The following EEFSEC variants were observed in gnomAD, a reference collection of about 807,000 sequenced individuals.
The protein encoded by EEFSEC is eukaryotic elongation factor, selenocysteine-tRNA specific.
In EEFSEC, 43 loss-of-function variants were observed where a neutral mutation model predicts 42.1. The ratio of observed to expected loss-of-function variants is 1.02; its 90% CI spans 0.80 to 1.32. The LOEUF (loss-of-function observed/expected upper bound fraction) is 1.32, where lower values mean the gene tolerates loss of function less well. Ranked by LOEUF, EEFSEC falls within the 40% of genes most tolerant of loss-of-function variation. EEFSEC has a pLI of 0.00. For synonymous variants in EEFSEC, 354 were observed against 339.1 expected (o/e 1.04, Z -0.48); for missense variants, 745 against 803.6 (o/e 0.93, Z 0.88).
chr3:128,338,691 G>A (rs754463660), intron 4 of EEFSEC, among the ~76,000 whole-genome samples: 5 of 152,228 alleles, frequency 3.3e-5, no homozygotes, highest in Non-Finnish European at 7.3e-5. Flanking sequence ...ATGTGGGGCC[G>A]AAAAGGCTGT....
chr3:128,399,075 A>AAAATAAAT lies in EEFSEC; in HGVS notation c.1601-8970_1601-8963dup, dbSNP rs138470496. Among the ~76,000 whole-genome samples the AAAATAAAT allele has an allele frequency of 8.1e-5, 12 of 147,954 alleles. No homozygotes were observed. The South Asian group carries it at 1.0e-3, about 13-fold the overall frequency. On this transcript the variant is annotated intron_variant, in intron 6 of 6. Transcript: ENST00000254730. Reference sequence around the variant, plus strand: ...AGAATGGATTTGTTTTTTGCCTTAAAAAATAAATAAATAAATAAATAAATA... The same window carrying AAAATAAAT: ...AGAATGGATTTGTTTTTTGCCTTAAAAAATAAATAAATAAATAAATAAATAAATAAATA...
Position 128,341,485 on chromosome 3 carries a change from C to T in EEFSEC, c.1039C>T (p.Arg347Trp), listed in dbSNP as rs199603426. 75 of 1,614,134 alleles carry T rather than the reference C, an allele frequency of 4.6e-5. No homozygotes were observed. The highest frequency in any genetic ancestry group is 6.6e-5 in the South Asian group (6 of 91,074). ...ITVGHETVMGRLMFFSPAPDN... is the reference protein window; with the variant it reads ...ITVGHETVMGWLMFFSPAPDN... ...AGTGGGCCATGAAACAGTCATGGGC[C>T]GGTTGATGTTCTTCAGTCCTGCTCC... The change falls in exon 5 of 7, where the codon CGG (arginine) becomes TGG (tryptophan). Residue 347 changes from arginine (R) to tryptophan (W), a missense_variant. Arg to Trp is a moderately radical substitution (Grantham distance 101). Coordinates refer to ENST00000254730, the MANE Select transcript of EEFSEC (RefSeq NM_021937.5).
chr3:128,199,584 T>C (rs2065621734), intron 1 of EEFSEC, among the ~76,000 whole-genome samples: 1 of 152,228 alleles, frequency 6.6e-6, no homozygotes, highest in Non-Finnish European at 1.5e-5. Flanking sequence ...TCCAGTCTTT[T>C]GCTAGGTGAA....
chr3:128,261,855 G>A (rs2066300093), intron 2 of EEFSEC, among the ~76,000 whole-genome samples: 2 of 152,176 alleles, frequency 1.3e-5, no homozygotes. Context: ...CCTCCTTAGG[G>A]AGTGCTCTGA....
At chr3:128,313,434 A>C (rs576176096) in intron 4 of EEFSEC, among the ~76,000 whole-genome samples, 47 of 152,346 alleles carry the variant, frequency 3.1e-4, no homozygotes, top group East Asian at 7.7e-4. Context: ...TGTTGCATTC[A>C]GTTAGTGACC....
intron 4 of EEFSEC, among the ~76,000 whole-genome samples, chr3:128,278,743 G>A (rs1265526890): frequency 1.3e-5 from 2 of 152,208 alleles, no homozygotes; most frequent in African/African-American, 4.8e-5. Flanking sequence ...AGTTGTGAAA[G>A]GGTCTGAGTG....
At chr3:128,397,213 T>G (rs1474651207) in intron 6 of EEFSEC, among the ~76,000 whole-genome samples, 1 of 152,248 alleles carries the variant, frequency 6.6e-6, no homozygotes, top group East Asian at 1.9e-4. Context: ...AGGAGATGGC[T>G]GCAGCCCCCT....
intron 6 of EEFSEC, among the ~76,000 whole-genome samples, chr3:128,382,020 C>T (rs576141071): frequency 2.0e-5 from 3 of 152,252 alleles, no homozygotes; most frequent in African/African-American, 7.2e-5. Flanking sequence ...GAGATAGGCC[C>T]GAATGTGGTT....
At chr3:128,326,533 T>A (rs547503626) in intron 4 of EEFSEC, among the ~76,000 whole-genome samples, 1 of 152,240 alleles carries the variant, frequency 6.6e-6, no homozygotes, top group African/African-American at 2.4e-5. Flanking sequence ...CTTCCAGGTG[T>A]TGCTGGGGAA....
At chr3:128,198,821 A>C (rs1362441402) in intron 1 of EEFSEC, among the ~76,000 whole-genome samples, 1 of 151,258 alleles carries the variant, frequency 6.6e-6, no homozygotes, top group Non-Finnish European at 1.5e-5. Context: ...TTTTTTTCTT[A>C]AAGACTTTCT....
intron 1 of EEFSEC, among the ~76,000 whole-genome samples, chr3:128,215,984 G>T (rs1010858587): frequency 2.6e-5 from 4 of 152,136 alleles, no homozygotes; most frequent in Non-Finnish European, 5.9e-5. Context: ...ACTGAGAAGG[G>T]GAGAGAGGCG....
chr3:128,332,474 C>T (rs548620253), intron 4 of EEFSEC, among the ~76,000 whole-genome samples: 35 of 152,334 alleles, frequency 2.3e-4, no homozygotes, highest in African/African-American at 6.5e-4. Context: ...ATTTTTGAGA[C>T]GGAGTCTCGC....
intron 1 of EEFSEC, among the ~76,000 whole-genome samples, chr3:128,181,518 G>T (rs1379802831): frequency 6.6e-6 from 1 of 152,198 alleles, no homozygotes; most frequent in African/African-American, 2.4e-5. Context: ...AAAAACAAAA[G>T]AGAAGCGGTG....
intron 1 of EEFSEC, among the ~76,000 whole-genome samples, chr3:128,167,348 T>C (rs538394626): frequency 8.5e-5 from 13 of 152,342 alleles, no homozygotes; most frequent in African/African-American, 3.1e-4. Flanking sequence ...GGACAGGCCT[T>C]GGTACAGAGT....
intron 1 of EEFSEC, among the ~76,000 whole-genome samples, chr3:128,192,113 T>C (rs1576533275): frequency 6.6e-6 from 1 of 152,130 alleles, no homozygotes. Context: ...TGTGATGGAG[T>C]AGAAATGATG....
intron 4 of EEFSEC, among the ~76,000 whole-genome samples, chr3:128,285,886 A>T (rs1333906807): frequency 6.6e-6 from 1 of 152,202 alleles, no homozygotes; most frequent in Non-Finnish European, 1.5e-5. Flanking sequence ...TCATTCTTTA[A>T]AACATTTTCA....
intron 2 of EEFSEC, among the ~76,000 whole-genome samples, chr3:128,260,813 G>T (rs1157422390): frequency 6.6e-6 from 1 of 152,190 alleles, no homozygotes; most frequent in Non-Finnish European, 1.5e-5. Context: ...AATTTCCAGA[G>T]TTCTGAACAA....
chr3:128,174,245 A>G (rs2065326640), intron 1 of EEFSEC, among the ~76,000 whole-genome samples: 1 of 152,234 alleles, frequency 6.6e-6, no homozygotes, highest in South Asian at 2.1e-4. Context: ...AAGCAGACTA[A>G]CACAAATAGA....
intron 2 of EEFSEC, among the ~76,000 whole-genome samples, chr3:128,253,512 C>T (rs1054485285): frequency 6.6e-6 from 1 of 152,216 alleles, no homozygotes; most frequent in East Asian, 1.9e-4. Flanking sequence ...CACCACCAAG[C>T]TTGGTGCCTG....
Sources: allele counts gnomAD v4.1 joint callset (sites outside exome capture counted in the v4.1 genomes callset), GRCh38; gene constraint gnomAD v4.1.1; transcripts MANE v1.5; gene names NCBI Gene and HGNC (gene_info 2026-07-23, HGNC 2026-07-21).